The following DHX38 variants were observed in gnomAD, a reference collection of about 807,000 sequenced individuals.
DHX38 encodes the protein pre-mRNA-splicing factor ATP-dependent RNA helicase PRP16.
A neutral mutation model predicts 153.1 loss-of-function variants in DHX38; 100 were observed. The observed-to-expected ratio is 0.65, with a 90% CI of 0.56 to 0.77. The LOEUF is 0.77. DHX38 is among the 30% of genes least tolerant of loss of function. The pLI is 0.00. For missense variants in DHX38, 1,440 were observed against 1,654.0 expected (o/e 0.87, Z 2.24); for synonymous variants, 650 against 631.7 (o/e 1.03, Z -0.43).
rs1206836963 is a variant in DHX38 at position 72,104,994 on chromosome 16, C to A, written c.2152-33C>A. 2 of 1,603,192 alleles carry A rather than the reference C, an allele frequency of 1.2e-6. No individual in the cohort carries two copies. The highest frequency in any genetic ancestry group is 2.7e-5 in the African/African-American group (2 of 74,736). ...GATGCCCGGCCTGCGCTTCTAGTAC[C>A]TCCCTCTGACTGTGTCCCCACTGCT... On this transcript the variant is annotated intron_variant, in intron 15 of 26. Transcript: ENST00000268482. The surrounding 1 kb of genome is among the most constrained non-coding windows in gnomAD (Gnocchi z 4.5).
In DHX38 at chr16:72,104,312, C is replaced by T. The variant is rs933838366; in HGVS notation, c.2011-174C>T. ...GCTGTTCTTGCTCTGCTGAGGGTGGCTTGGGGTTTTCTGGGCAGTGGCTCC... is the reference window on the plus strand; with the variant it reads ...GCTGTTCTTGCTCTGCTGAGGGTGGTTTGGGGTTTTCTGGGCAGTGGCTCC... On this transcript the variant is annotated intron_variant, in intron 14 of 26. Coordinates refer to ENST00000268482, the MANE Select transcript of DHX38 (RefSeq NM_014003.4). The surrounding 1 kb of genome is among the most constrained non-coding windows in gnomAD (Gnocchi z 4.5). 1.7e-4 allele frequency: 203 copies of T among 1,195,514 alleles called. 1 individual carries two copies. Among genetic ancestry groups the T allele is most frequent in the Non-Finnish European group, 2.2e-4 (189 of 872,866 alleles). The allele number at this position is 1,195,514 out of a possible 1,614,324, so 74.1% of individuals were successfully genotyped here. A position where few individuals can be genotyped will look rare whatever the true frequency, so the allele number is the denominator to read the frequency against.
At chr16:72,097,454 G>A in intron 3 of DHX38, 1 of 514,380 alleles carries the variant, frequency 1.9e-6, no homozygotes, top group Non-Finnish European at 3.5e-6. Flanking sequence ...TTGAATTCTT[G>A]CTGGAAAATA....
Position 72,105,327 on chromosome 16 carries a change from C to G in DHX38, c.2358C>G (p.Leu786=). 6.2e-7 allele frequency: 1 copy of G among 1,614,166 alleles called. No individual in the cohort carries two copies. The highest frequency in any genetic ancestry group is 8.5e-7 in the Non-Finnish European group (1 of 1,180,038). Residue 786 remains leucine, a synonymous_variant, in exon 17 of 27, where the codon CTC becomes CTG. Transcript: ENST00000268482. The part of the protein sequence containing the change: ...LPIYSQLPSD[L]QAKIFQKAPD... The stretch of plus-strand genomic sequence containing the variant: ...TCTACTCTCAGCTGCCTTCTGACCT[C>G]CAGGCCAAAATCTTCCAGAAGGTGT...
chr16:72,111,168 G>A, intron 26 of DHX38, 91 bp downstream of exon 26: 1 of 1,447,878 alleles, frequency 6.9e-7, no homozygotes, highest in Non-Finnish European at 9.1e-7. Context: ...AGGATTTATG[G>A]GAAGGTGCAT....
Position 72,099,185 on chromosome 16 carries a change from G to A in DHX38, c.884-19G>A. 6.2e-7 allele frequency: 1 copy of A among 1,603,000 alleles called. No homozygotes were observed. The highest frequency in any genetic ancestry group is 1.1e-5 in the South Asian group (1 of 89,220). On this transcript the variant is annotated intron_variant, in intron 6 of 26. Coordinates refer to ENST00000268482, the MANE Select transcript of DHX38 (RefSeq NM_014003.4). ...GACAGGCCAGGGCATGGACTGACCT[G>A]CTTCCTGTGCTCCTCCAGGAAGACG...
intron 10 of DHX38, 107 bp downstream of exon 10, chr16:72,101,300 A>G (rs992332030): frequency 5.3e-6 from 7 of 1,325,182 alleles, no homozygotes; most frequent in Non-Finnish European, 7.4e-6. Flanking sequence ...AGTCCCCTCT[A>G]TCAAGTCCTT....
chr16:72,096,630 T>TG (rs2042022749), intron 2 of DHX38, 150 bp downstream of exon 2: 1 of 1,488,682 alleles, frequency 6.7e-7, no homozygotes, highest in East Asian at 2.3e-5. Context: ...TAGGAATTTG[T>TG]GGGGAAAAAC....
rs556813861 is a variant in DHX38 at position 72,112,310 on chromosome 16, A to G, written c.3600-103A>G. 3,935 of 1,169,772 alleles carry G rather than the reference A, an allele frequency of 3.4e-3. 9 individuals are homozygous for G. The highest frequency in any genetic ancestry group is 4.3e-3 in the Non-Finnish European group (3,461 of 796,930). The allele number at this position is 1,169,772 out of a possible 1,614,324, so 72.5% of individuals were successfully genotyped here. On this transcript the variant is annotated intron_variant, in intron 26 of 26. Transcript: ENST00000268482. ...GAGATCCCTCGGCCCAGAGCTCCCC[A>G]CCATGGGTTAGGAACAGTAAGTCCT...
At chr16:72,101,287 AG>A in intron 10 of DHX38, 94 bp downstream of exon 10, 5 of 1,400,374 alleles carry the variant, frequency 3.6e-6, no homozygotes, top group Non-Finnish European at 5.0e-6. Context: ...GATAGAAGTT[AG>A]GAGTCCCCTC....
chr16:72,099,837 C>T lies in DHX38; in HGVS notation c.1066C>T (p.His356Tyr), dbSNP rs778359237. The change falls in exon 8 of 27, where the codon CAT (histidine) becomes TAT (tyrosine). Residue 356 changes from histidine to tyrosine, a missense_variant. This residue lies in a region of DHX38 where 77 missense variants were observed against 125.4 expected (regional missense o/e 0.61). Coordinates refer to ENST00000268482, the MANE Select transcript of DHX38 (RefSeq NM_014003.4). ...CGTGAGGAGGCGGGAGCAGCACCTG[C>T]ATAAACAGAAGCAGAAGCGCATTTC... ...DYVRRREQHL[H>Y]KQKQKRISAQ... 1.3e-5 allele frequency: 21 copies of T among 1,613,514 alleles called. No individual in the cohort carries two copies. Among genetic ancestry groups the T allele is most frequent in the Non-Finnish European group, 1.5e-5 (18 of 1,179,706 alleles).
intron 17 of DHX38, 59 bp from the exon 18 acceptor site, chr16:72,105,458 C>G: frequency 1.9e-6 from 3 of 1,605,718 alleles, no homozygotes; most frequent in Non-Finnish European, 2.6e-6. Flanking sequence ...TTTTCCCCCT[C>G]GCGGAGCCTT....
chr16:72,096,376 G>T lies in DHX38; in HGVS notation c.219G>T (p.Lys73Asn), dbSNP rs1567602496. 6.2e-7 allele frequency: 1 copy of T among 1,614,110 alleles called. No homozygotes were observed. The highest frequency in any genetic ancestry group is 1.3e-5 in the African/African-American group (1 of 74,948). ...EEKDDGEDKK[K>N]SKVSSYKDWE... The stretch of plus-strand genomic sequence containing the variant: ...AGGACGATGGGGAGGACAAGAAGAA[G>T]TCCAAAGTCTCCTCCTACAAGGACT... The change falls in exon 2 of 27, where the codon AAG becomes AAT. Residue 73 changes from lysine (K) to asparagine (N), a missense_variant. Around this residue, in one of 6 missense-constraint regions of DHX38, gnomAD observed 483 missense variants for 465.1 expected, o/e 1.04. Transcript: ENST00000268482.
chr16:72,106,149 G>A, intron 19 of DHX38, 32 bp downstream of exon 19: 1 of 1,605,920 alleles, frequency 6.2e-7, no homozygotes. Flanking sequence ...GCTTTCTGGG[G>A]CAGCGCTGGG....
intron 10 of DHX38, 29 bp from the exon 11 acceptor site, chr16:72,101,470 AT>A (rs1184958526): frequency 6.5e-7 from 1 of 1,541,816 alleles, no homozygotes. Context: ...ATGTGGCAGG[AT>A]GGAGCAGACT....
intron 4 of DHX38, 54 bp from the exon 5 acceptor site, chr16:72,098,591 A>C: frequency 5.0e-6 from 8 of 1,600,900 alleles, no homozygotes; most frequent in Non-Finnish European, 6.8e-6. Context: ...CTGGTTCTAG[A>C]CCATGTCATG....
Position 72,103,722 on chromosome 16 carries a change from G to A in DHX38, c.1758G>A (p.Arg586=), listed in dbSNP as rs1272482427. 8 of 1,613,990 alleles carry A rather than the reference G, an allele frequency of 5.0e-6. No homozygotes were observed. Among genetic ancestry groups the A allele is most frequent in the Non-Finnish European group, 6.8e-6 (8 of 1,179,970 alleles). The part of the protein sequence containing the change: ...DYGMIGCTQP[R]RVAAMSVAKR... The stretch of plus-strand genomic sequence containing the variant: ...GGATGATTGGGTGTACCCAGCCCCG[G>A]CGTGTAGCTGCCATGTCAGTGGCCA... Residue 586 remains arginine (R), a synonymous_variant, in exon 13 of 27, where the codon CGG becomes CGA. Transcript: ENST00000268482.
chr16:72,099,280 G>A lies in DHX38; in HGVS notation c.960G>A (p.Arg320=). ...GGCAGCAGTGGGAAGATGACCAGAG[G>A]GTAAAGTTTTATACCTCTGAGGGGC... ...EERQQWEDDQ[R]QADRDWYMMD... is the part of the protein sequence containing the mutation. The change falls in exon 7 of 27, where the codon AGG becomes AGA. Residue 320 remains arginine (R), a splice_region_variant and synonymous_variant. Coordinates refer to ENST00000268482, the MANE Select transcript of DHX38 (RefSeq NM_014003.4). 1.9e-6 allele frequency: 3 copies of A among 1,609,198 alleles called. No homozygotes were observed. Among genetic ancestry groups the A allele is most frequent in the Admixed American group, 1.7e-5 (1 of 59,498 alleles).
chr16:72,112,909 A>G lies in DHX38; in HGVS notation c.*412A>G. 1 of 689,508 alleles carries G rather than the reference A, an allele frequency of 1.5e-6. No individual in the cohort carries two copies. Among genetic ancestry groups the G allele is most frequent in the South Asian group, 1.5e-5 (1 of 65,530 alleles). The allele number at this position is 689,508 out of a possible 1,614,324, so 42.7% of individuals were successfully genotyped here. On this transcript the variant is annotated 3_prime_UTR_variant, in exon 27 of 27. Coordinates refer to ENST00000268482, the MANE Select transcript of DHX38 (RefSeq NM_014003.4). ...GAAATAAATTTATTATTTGTAAAAC[A>G]TGACTGCATGTCTGACTTTTTCCTT...
chr16:72,108,892 C>T lies in DHX38; in HGVS notation c.3348C>T (p.Tyr1116=), dbSNP rs114922225. 1.9e-6 allele frequency: 3 copies of T among 1,612,846 alleles called. No homozygotes were observed. The highest frequency in any genetic ancestry group is 1.3e-5 in the African/African-American group (1 of 75,026). ...TTGGAATGGGCTACACCCCAGATTA[C>T]ATAGTGTATCACGAGTTGGTCATGA... ...SLFGMGYTPD[Y]IVYHELVMTT... is the part of the protein sequence containing the mutation. Residue 1116 remains tyrosine (Y), a synonymous_variant, in exon 24 of 27, where the codon TAC becomes TAT. Coordinates refer to ENST00000268482, the MANE Select transcript of DHX38 (RefSeq NM_014003.4).
Sources: allele counts gnomAD v4.1 joint callset, GRCh38; gene constraint gnomAD v4.1.1; regional missense constraint gnomAD v4.1.1; non-coding constraint Gnocchi (gnomAD v3.1); transcripts MANE v1.5; gene names NCBI Gene and HGNC (gene_info 2026-07-23, HGNC 2026-07-21).